Variants in UNC119B observed in about 807,000 individuals in gnomAD.
The protein encoded by UNC119B is protein unc-119 homolog B.
A neutral mutation model predicts 23.4 loss-of-function variants in UNC119B; 16 were observed. The observed-to-expected ratio is 0.68, with a 90% CI of 0.46 to 1.04. UNC119B has a LOEUF of 1.04. UNC119B is among the 50% of genes least tolerant of loss of function. UNC119B has a pLI of 0.00. For missense variants in UNC119B, 350 were observed against 361.3 expected, an observed-to-expected ratio of 0.97 and a Z score of 0.25; for synonymous variants, 144 against 145.4, an observed-to-expected ratio of 0.99 and a Z score of 0.07.
At chr12:120,713,230 T>G (rs760064335) in intron 1 of UNC119B, 44 bp from the exon 2 acceptor site, 1 of 1,436,270 alleles carries the variant, frequency 7.0e-7, no homozygotes, top group Non-Finnish European at 9.6e-7. Context: ...ATGGTAGTTT[T>G]GGAGGATTAT....
chr12:120,710,506 C>G lies in UNC119B; in HGVS notation c.32C>G (p.Ala11Gly). The G allele has an allele frequency of 7.4e-7, 1 of 1,355,836 alleles. No homozygotes were observed. The highest frequency in any genetic ancestry group is 9.4e-7 in the Non-Finnish European group (1 of 1,061,314). The allele number at this position is 1,355,836 out of a possible 1,614,324, so 84.0% of individuals were successfully genotyped here. Reference protein sequence around the residue: MSGSNPKAAAAASAAGPGGLV... With the variant: MSGSNPKAAAGASAAGPGGLV... ...GGGTCTAACCCGAAGGCTGCGGCCGCGGCGTCGGCGGCTGGGCCCGGGGGG... is the reference window on the plus strand; with the variant it reads ...GGGTCTAACCCGAAGGCTGCGGCCGGGGCGTCGGCGGCTGGGCCCGGGGGG... The change falls in exon 1 of 5, where the codon GCG (alanine) becomes GGG (glycine). Residue 11 changes from alanine to glycine, a missense_variant. Ala to Gly is a moderately conservative substitution (Grantham distance 60, BLOSUM62 0). Transcript: ENST00000344651.
At position 120,711,183 on chromosome 12, in the gene UNC119B, A is replaced by T. The variant is rs370291959; in HGVS notation, c.244+465A>T. 3.5e-3 allele frequency: 531 copies of T among 153,186 alleles called. 2 individuals are homozygous for T. Among genetic ancestry groups the T allele is most frequent in the African/African-American group, 0.012 (481 of 41,592 alleles). 9.5% of individuals were successfully genotyped at this position (153,186 alleles called of 1,614,324 possible). On this transcript the variant is annotated intron_variant, in intron 1 of 4. Transcript: ENST00000344651. ...TACCTGCTTCCTCCGCCCTGGCCCC[A>T]TGGCAGCCCTCCCCCATTGCAGCCT...
chr12:120,710,927 A>C (rs1211749875), intron 1 of UNC119B: 2 of 407,884 alleles, frequency 4.9e-6, no homozygotes, highest in Non-Finnish European at 7.9e-6. Flanking sequence ...GCTGGACCGC[A>C]TTCCTGTGAG....
chr12:120,711,243 T>G (rs1592925846), intron 1 of UNC119B: 1 of 152,594 alleles, frequency 6.6e-6, no homozygotes, highest in Non-Finnish European at 1.5e-5. Context: ...TCGGGAGCGT[T>G]GCCCCTTAGT....
At chr12:120,712,363 G>C (rs1420758755) in intron 1 of UNC119B, among the ~76,000 whole-genome samples, 1 of 152,172 alleles carries the variant, frequency 6.6e-6, no homozygotes, top group Non-Finnish European at 1.5e-5. Context: ...TGTAAAACAC[G>C]AAAACAACTA....
In UNC119B at chr12:120,721,446, A is replaced by AG. The variant is rs1882899698; in HGVS notation, c.*1415dup. On this transcript the variant is annotated 3_prime_UTR_variant, in exon 5 of 5. Transcript: ENST00000344651. ...CTGGTAAGTGACTGTGAGGTGTCACAGTACCTGTGACAGGAGAGTGTCCTG... is the reference window on the plus strand; with the variant it reads ...CTGGTAAGTGACTGTGAGGTGTCACAGGTACCTGTGACAGGAGAGTGTCCTG... 6.6e-6 allele frequency: 1 copy of AG among 152,276 alleles called. No individual in the cohort carries two copies. The highest frequency in any genetic ancestry group is 1.5e-5 in the Non-Finnish European group (1 of 68,072). 9.4% of individuals were successfully genotyped at this position (152,276 alleles called of 1,614,324 possible).
intron 4 of UNC119B, among the ~76,000 whole-genome samples, chr12:120,718,077 C>A (rs1331905165): frequency 6.6e-6 from 1 of 152,098 alleles, no homozygotes; most frequent in African/African-American, 2.4e-5. Flanking sequence ...ACCGTGTTAG[C>A]CAGGATAGTC....
intron 2 of UNC119B, among the ~76,000 whole-genome samples, chr12:120,713,967 A>C (rs1359594980): frequency 6.6e-6 from 1 of 152,236 alleles, no homozygotes; most frequent in Non-Finnish European, 1.5e-5. Context: ...CAGGAACTCA[A>C]CTACTTGGGG....
chr12:120,715,946 C>G (rs1882772152), intron 2 of UNC119B, among the ~76,000 whole-genome samples: 3 of 152,128 alleles, frequency 2.0e-5, no homozygotes, highest in Non-Finnish European at 2.9e-5. Context: ...CCCAGGTGGT[C>G]AAAGGGTTAG....
intron 3 of UNC119B, 30 bp downstream of exon 3, chr12:120,716,769 C>T (rs755786116): frequency 2.2e-5 from 35 of 1,609,272 alleles, no homozygotes; most frequent in Non-Finnish European, 2.7e-5. Context: ...GAGGGGAGAA[C>T]ATTCTGTTTG....
At chr12:120,713,026 C>G (rs1399656542) in intron 1 of UNC119B, among the ~76,000 whole-genome samples, 2 of 152,202 alleles carry the variant, frequency 1.3e-5, no homozygotes, top group East Asian at 3.8e-4. Context: ...TCCACCTTTT[C>G]TATCCTAGTT....
At chr12:120,719,044 C>T (rs144410458) in intron 4 of UNC119B, among the ~76,000 whole-genome samples, 9 of 152,292 alleles carry the variant, frequency 5.9e-5, no homozygotes, top group South Asian at 2.1e-4. Context: ...GCATATAAAC[C>T]GAGTAGTTTT....
Position 120,722,110 on chromosome 12 carries a change from CTG to C in UNC119B, c.*2080_*2081del, listed in dbSNP as rs80114141. The stretch of plus-strand genomic sequence containing the variant: ...TCTTGGAAACATGCCCCTGGGCACA[CTG>C]TATCTGCTACATTAGTGGGCTATCT... On this transcript the variant is annotated 3_prime_UTR_variant, in exon 5 of 5. Transcript: ENST00000344651. 2,855 of 152,388 alleles carry C rather than the reference CTG, an allele frequency of 0.019. 247 individuals are homozygous for C. In the East Asian group the frequency reaches 0.28, roughly 15 times the overall value. 9.4% of individuals were successfully genotyped at this position (152,388 alleles called of 1,614,324 possible). A position where few individuals can be genotyped will look rare whatever the true frequency, so the allele number is the denominator to read the frequency against.
Position 120,722,665 on chromosome 12 carries a change from T to G in UNC119B, c.*2633T>G, listed in dbSNP as rs1882938736. 6.6e-6 allele frequency: 1 copy of G among 152,240 alleles called. No individual in the cohort carries two copies. The highest frequency in any genetic ancestry group is 2.1e-4 in the South Asian group (1 of 4,836). The allele number at this position is 152,240 out of a possible 1,614,324, so 9.4% of individuals were successfully genotyped here. ...GTGCCAGAGGGCCTGCCCCTCCTGC[T>G]TCTGTTCCTTTGCCTTGCAGTCTCC... On this transcript the variant is annotated 3_prime_UTR_variant, in exon 5 of 5. Coordinates refer to ENST00000344651, the MANE Select transcript of UNC119B (RefSeq NM_001080533.3).
rs952008537 is a variant in UNC119B at position 120,718,970 on chromosome 12, A to G, written c.644-950A>G. 2.0e-5 allele frequency among the ~76,000 whole-genome samples: 3 copies of G among 152,228 alleles called. No homozygotes were observed. The East Asian group carries it at 5.8e-4, about 29-fold the overall frequency. ...TAGAATATGTAGATACTTGCAAGAA[A>G]AGATGATGTATAGTGTTATAAGTTT... On this transcript the variant is annotated intron_variant, in intron 4 of 4. Transcript: ENST00000344651.
intron 2 of UNC119B, among the ~76,000 whole-genome samples, chr12:120,715,687 C>A (rs1882766988): frequency 6.6e-6 from 1 of 152,124 alleles, no homozygotes; most frequent in Admixed American, 6.5e-5. Context: ...GCATGCGCCA[C>A]CACGCTGGGC....
intron 1 of UNC119B, 105 bp downstream of exon 1, chr12:120,710,823 C>T: frequency 8.8e-6 from 10 of 1,135,132 alleles, no homozygotes; most frequent in Non-Finnish European, 1.1e-5. Flanking sequence ...CGCCAGACCC[C>T]CTCGGCCGGC....
chr12:120,719,897 T>G (rs768564824), intron 4 of UNC119B, 23 bp from the exon 5 acceptor site: 2 of 1,569,982 alleles, frequency 1.3e-6, no homozygotes, highest in South Asian at 2.2e-5. Flanking sequence ...TGCTTTTTTC[T>G]TCCCCCTTTG....
At chr12:120,719,540 A>C (rs1439661045) in intron 4 of UNC119B, among the ~76,000 whole-genome samples, 1 of 152,190 alleles carries the variant, frequency 6.6e-6, no homozygotes, top group Non-Finnish European at 1.5e-5. Flanking sequence ...GCCACTGACC[A>C]GAGGCCAGGG....
Sources: allele counts gnomAD v4.1 joint callset (sites outside exome capture counted in the v4.1 genomes callset), GRCh38; gene constraint gnomAD v4.1.1; transcripts MANE v1.5; gene names NCBI Gene and HGNC (gene_info 2026-07-23, HGNC 2026-07-21).